The following FNIP1 variants were observed in gnomAD, a reference collection of about 807,000 sequenced individuals.
FNIP1 encodes the protein folliculin-interacting protein 1.
In FNIP1, 40 loss-of-function variants were observed where a neutral mutation model predicts 124.5. The observed-to-expected ratio is 0.32, with a 90% CI of 0.25 to 0.42. The LOEUF is 0.42. Among genes scored for constraint, FNIP1 ranks in the 10% least tolerant of loss-of-function variants. The pLI, the probability that FNIP1 is intolerant of heterozygous loss-of-function variation, is 1.00. For missense variants in FNIP1, 1,176 were observed against 1,403.7 expected, an observed-to-expected ratio of 0.84 and a Z score of 2.59; for synonymous variants, 472 against 470.6, an observed-to-expected ratio of 1.00 and a Z score of -0.04.
At chr5:131,774,686 A>G (rs921499231) in intron 1 of FNIP1, among the ~76,000 whole-genome samples, 5 of 152,234 alleles carry the variant, frequency 3.3e-5, no homozygotes, top group African/African-American at 9.6e-5. Flanking sequence ...GACCAATAAA[A>G]GAATAAACAC....
At chr5:131,687,010 T>C (rs1269201872) in intron 11 of FNIP1, among the ~76,000 whole-genome samples, 1 of 150,740 alleles carries the variant, frequency 6.6e-6, no homozygotes, top group Non-Finnish European at 1.5e-5. Flanking sequence ...TGGTTTTTTT[T>C]TCCTTTCTCA....
intron 11 of FNIP1, among the ~76,000 whole-genome samples, chr5:131,690,631 T>C (rs1417689209): frequency 6.6e-6 from 1 of 152,202 alleles, no homozygotes; most frequent in African/African-American, 2.4e-5. Context: ...CATGCTGAAC[T>C]GTGAATCAAT....
chr5:131,697,605 A>C (rs116180546), intron 11 of FNIP1, among the ~76,000 whole-genome samples: 7,813 of 152,246 alleles, frequency 0.051, 268 homozygotes, highest in Non-Finnish European at 0.077. Context: ...TACATGATAT[A>C]TAAATTTGGC....
chr5:131,783,245 A>G (rs1464100758), intron 1 of FNIP1, among the ~76,000 whole-genome samples: 8 of 152,122 alleles, frequency 5.3e-5, no homozygotes, highest in Admixed American at 5.2e-4. Context: ...GAAATACCAG[A>G]CTCATGGTCA....
chr5:131,730,637 A>G (rs1770050834), intron 3 of FNIP1, among the ~76,000 whole-genome samples: 1 of 152,180 alleles, frequency 6.6e-6, no homozygotes. Flanking sequence ...AAGTATGTAA[A>G]ATAAGAAATT....
At chr5:131,699,635 A>T (rs1408195226) in intron 10 of FNIP1, among the ~76,000 whole-genome samples, 2 of 151,594 alleles carry the variant, frequency 1.3e-5, no homozygotes, top group Non-Finnish European at 2.9e-5. Context: ...CTCGTGATCC[A>T]CCCACCTCAG....
chr5:131,730,799 C>G, intron 3 of FNIP1, 105 bp downstream of exon 3: 1 of 851,494 alleles, frequency 1.2e-6, no homozygotes. Context: ...AATGCAAGCT[C>G]TAGGAAGATA....
intron 1 of FNIP1, among the ~76,000 whole-genome samples, chr5:131,791,857 T>A (rs73788765): frequency 0.037 from 5,279 of 143,132 alleles, 336 homozygotes; most frequent in African/African-American, 0.12. Context: ...GTGGCTTTTT[T>A]AAAAAATGTC....
At chr5:131,678,508 C>T (rs1023680455) in intron 12 of FNIP1, among the ~76,000 whole-genome samples, 6 of 152,280 alleles carry the variant, frequency 3.9e-5, no homozygotes, top group African/African-American at 1.4e-4. Context: ...CCTGGATTCA[C>T]GCCATTCTCC....
intron 15 of FNIP1, among the ~76,000 whole-genome samples, chr5:131,657,250 C>T (rs139051576): frequency 0.018 from 2,723 of 152,180 alleles, 55 homozygotes; most frequent in African/African-American, 0.047. Flanking sequence ...GATCCACACA[C>T]CTCAGCCTCC....
intron 3 of FNIP1, among the ~76,000 whole-genome samples, chr5:131,722,524 C>T (rs375297602): frequency 8.5e-5 from 13 of 152,142 alleles, no homozygotes; most frequent in East Asian, 3.8e-4. Context: ...CACTGTTTTT[C>T]GTTTTATCAT....
chr5:131,786,241 G>A (rs1417034138), intron 1 of FNIP1, among the ~76,000 whole-genome samples: 1 of 152,144 alleles, frequency 6.6e-6, no homozygotes, highest in Non-Finnish European at 1.5e-5. Context: ...TTTATTGAAT[G>A]CCTTCTTTGA....
intron 6 of FNIP1, among the ~76,000 whole-genome samples, 171 bp from the exon 7 acceptor site, chr5:131,710,832 G>A (rs1769263709): frequency 6.6e-6 from 1 of 151,978 alleles, no homozygotes; most frequent in Non-Finnish European, 1.5e-5. Context: ...GAAACAGGAT[G>A]GTGTTTCTTT....
At chr5:131,785,068 GAT>G (rs1375841942) in intron 1 of FNIP1, among the ~76,000 whole-genome samples, 10 of 12,238 alleles carry the variant, frequency 8.2e-4, no homozygotes, top group Non-Finnish European at 2.2e-3. Context: ...TCATATATAT[GAT>G]ATATATGACA....
In FNIP1 at chr5:131,644,537, A is replaced by T. The variant is rs1766811962; in HGVS notation, c.*148T>A. On this transcript the variant is annotated 3_prime_UTR_variant, in exon 18 of 18. Transcript: ENST00000510461. Reference sequence around the variant, plus strand: ...AGAAAAAGCCATCTGACATACACAGAATATACAATGCTATGCAGAATACCC... The same window carrying T: ...AGAAAAAGCCATCTGACATACACAGTATATACAATGCTATGCAGAATACCC... The T allele has an allele frequency of 1.7e-6, 1 of 596,280 alleles. No individual in the cohort carries two copies. Among genetic ancestry groups the T allele is most frequent in the East Asian group, 3.0e-5 (1 of 33,188 alleles). 36.9% of individuals were successfully genotyped at this position (596,280 alleles called of 1,614,324 possible). A position where few individuals can be genotyped will look rare whatever the true frequency, so the allele number is the denominator to read the frequency against.
intron 11 of FNIP1, 83 bp downstream of exon 11, chr5:131,698,834 T>G: frequency 8.2e-7 from 1 of 1,213,264 alleles, no homozygotes; most frequent in East Asian, 2.6e-5. Flanking sequence ...AAATCAAATT[T>G]TATTAGAACA....
Position 131,706,066 on chromosome 5 carries a change from A to G in FNIP1, c.914+345T>C, listed in dbSNP as rs182594087. Among the ~76,000 whole-genome samples the G allele has an allele frequency of 4.4e-3, 676 of 152,250 alleles. 5 individuals are homozygous for G. The highest frequency in any genetic ancestry group is 6.8e-3 in the Middle Eastern group (2 of 294). On this transcript the variant is annotated intron_variant, in intron 9 of 17. Coordinates refer to ENST00000510461, the MANE Select transcript of FNIP1 (RefSeq NM_133372.3). ...AAAATTCATAAAGACAGAAAATAGA[A>G]TGGTGGTTACAAGAGGAAGAAAAGG...
At chr5:131,760,245 T>TA (rs960519441) in intron 1 of FNIP1, among the ~76,000 whole-genome samples, 4 of 150,248 alleles carry the variant, frequency 2.7e-5, no homozygotes, top group South Asian at 2.1e-4. Flanking sequence ...AAGTTGAAAT[T>TA]AAAAAAAAAG....
At chr5:131,771,005 G>A (rs937198027) in intron 1 of FNIP1, among the ~76,000 whole-genome samples, 5 of 152,008 alleles carry the variant, frequency 3.3e-5, no homozygotes, top group South Asian at 2.1e-4. Flanking sequence ...AGTTACATAC[G>A]TATACATGTG....
Sources: allele counts gnomAD v4.1 joint callset (sites outside exome capture counted in the v4.1 genomes callset), GRCh38; gene constraint gnomAD v4.1.1; transcripts MANE v1.5; gene names NCBI Gene and HGNC (gene_info 2026-07-23, HGNC 2026-07-21).